WAS: variants seen among roughly 807,000 people sequenced by gnomAD.
The protein encoded by WAS is actin nucleation-promoting factor WAS.
WAS carries 1 observed loss-of-function variant against 38.9 expected under a neutral mutation model. That is an observed-to-expected ratio of 0.03 (90% CI 0.01 to 0.12). The LOEUF (loss-of-function observed/expected upper bound fraction) is 0.12, where lower values mean the gene tolerates loss of function less well. WAS is among the 10% of genes least tolerant of loss of function. The probability of loss-of-function intolerance (pLI) is 1.00; values close to 1 mark genes in which losing one functional copy is unlikely to be tolerated. For missense variants in WAS, 311 were observed against 431.2 expected (o/e 0.72, Z 2.47); for synonymous variants, 182 against 173.6 (o/e 1.05, Z -0.38).
intron 10 of WAS, 85 bp downstream of exon 10, chrX:48,689,151 G>A: frequency 9.5e-7 from 1 of 1,053,778 alleles, no homozygotes; most frequent in Non-Finnish European, 1.3e-6. Context: ...CTGAGGCCAG[G>A]ACTGAGGAGA....
chrX:48,690,997 C>T, intron 11 of WAS, 110 bp from the exon 12 acceptor site: 6 of 668,367 alleles, frequency 9.0e-6, no homozygotes, highest in Middle Eastern at 5.9e-4. Context: ...TCTAACTTGC[C>T]CTCCTCTAGC....
intron 6 of WAS, 141 bp from the exon 7 acceptor site, chrX:48,686,640 C>A: frequency 1.5e-6 from 1 of 645,432 alleles, no homozygotes; most frequent in Non-Finnish European, 2.4e-6. Context: ...TCTCCATAGA[C>A]CCTACTTGAA....
Position 48,686,087 on chromosome X carries a change from G to A in WAS, c.512G>A (p.Arg171Lys), listed in dbSNP as rs1436551443. ...ACACATTCCATCTTCCCAGAGAGAA[G>A]AGGAGGGCTCCCACCCCTGCCCCTG... ...PPPTPANEERRGGLPPLPLHP... is the reference protein window; with the variant it reads ...PPPTPANEERKGGLPPLPLHP... Residue 171 changes from arginine (R) to lysine (K), a missense_variant, in exon 6 of 12, where the codon AGA becomes AAA. By Grantham distance (26) the Arg-to-Lys change is conservative. Around this residue, in one of 4 missense-constraint regions of WAS, gnomAD observed 31 missense variants for 20.1 expected, o/e 1.55. Transcript: ENST00000376701. 1.3e-5 allele frequency: 16 copies of A among 1,212,215 alleles called. No homozygotes were observed. Among genetic ancestry groups the A allele is most frequent in the South Asian group, 1.8e-5 (1 of 57,041 alleles).
intron 8 of WAS, 30 bp from the exon 9 acceptor site, chrX:48,688,270 C>T (rs782237502): frequency 2.5e-6 from 3 of 1,186,529 alleles, no homozygotes; most frequent in Non-Finnish European, 3.4e-6. Flanking sequence ...TTCCTCTACT[C>T]CTGCCCCTGG....
chrX:48,683,634 G>T, upstream of WAS: 1 of 446,974 alleles, frequency 2.2e-6, no homozygotes. Context: ...CCAAAAGGTG[G>T]GTCTAAGCAG....
chrX:48,686,762 C>T lies in WAS; in HGVS notation c.560-19C>T. ...TTGGTAAGTGGGTCAATGAGCCAAC[C>T]ACCCTATTTTCCCCACAGGCCCTCC... is the stretch of plus-strand genomic sequence containing the variant. On this transcript the variant is annotated intron_variant, in intron 6 of 11. Transcript: ENST00000376701. 8.3e-7 allele frequency: 1 copy of T among 1,210,338 alleles called. No individual in the cohort carries two copies.
intron 6 of WAS, 137 bp from the exon 7 acceptor site, chrX:48,686,644 A>G: frequency 1.5e-6 from 1 of 677,464 alleles, no homozygotes; most frequent in Non-Finnish European, 2.3e-6. Context: ...CATAGACCCT[A>G]CTTGAACCCT....
chrX:48,678,799 TC>T (rs1183694850), upstream of WAS, among the ~76,000 whole-genome samples: 4 of 111,455 alleles, frequency 3.6e-5, no homozygotes, highest in Non-Finnish European at 5.6e-5. Flanking sequence ...GATGAGAACA[TC>T]AGACTAGAAG....
intron 11 of WAS, among the ~76,000 whole-genome samples, chrX:48,690,274 G>T (rs2062435674): frequency 1.9e-5 from 2 of 106,509 alleles, no homozygotes; most frequent in African/African-American, 6.8e-5. Context: ...ACAGGCGTGT[G>T]CCACCATACC....
upstream of WAS, among the ~76,000 whole-genome samples, chrX:48,683,065 G>A (rs1256219766): frequency 1.8e-5 from 2 of 110,483 alleles, no homozygotes; most frequent in Non-Finnish European, 3.8e-5. Flanking sequence ...AAAAGGAAAA[G>A]GGTTTTTGTT....
intron 6 of WAS, among the ~76,000 whole-genome samples, chrX:48,686,571 G>A (rs1214868688): frequency 8.9e-6 from 1 of 112,364 alleles, no homozygotes; most frequent in Non-Finnish European, 1.9e-5. Flanking sequence ...TAAAGCATGA[G>A]GGAATGAAAA....
At chrX:48,686,636 T>G (rs782566749) in intron 6 of WAS, 145 bp from the exon 7 acceptor site, 2 of 619,544 alleles carry the variant, frequency 3.2e-6, no homozygotes, top group Non-Finnish European at 5.1e-6. Context: ...CACTTCTCCA[T>G]AGACCCTACT....
chrX:48,680,009 C>A (rs1602174404), upstream of WAS, among the ~76,000 whole-genome samples: 1 of 111,515 alleles, frequency 9.0e-6, no homozygotes, highest in Non-Finnish European at 1.9e-5. Context: ...ACTGAGGAGA[C>A]CCTCGACCCA....
chrX:48,688,551 G>T, intron 9 of WAS, 98 bp downstream of exon 9: 1 of 1,193,128 alleles, frequency 8.4e-7, no homozygotes, highest in South Asian at 1.8e-5. Flanking sequence ...CACCTATACT[G>T]CTTCAGTCAG....
At chrX:48,683,789 G>T, upstream of WAS, 18 of 1,186,924 alleles carry the variant, frequency 1.5e-5, no homozygotes, top group Non-Finnish European at 1.9e-5. Context: ...GCTGCTCATT[G>T]CGGAAGTTCC....
At chrX:48,680,267 C>T (rs2062398227), upstream of WAS, among the ~76,000 whole-genome samples, 1 of 111,462 alleles carries the variant, frequency 9.0e-6, no homozygotes, top group African/African-American at 3.3e-5. Flanking sequence ...GATGAATCTT[C>T]CTCCCTCTAA....
upstream of WAS, among the ~76,000 whole-genome samples, chrX:48,680,638 G>A (rs781865114): frequency 2.7e-5 from 3 of 111,653 alleles, no homozygotes; most frequent in South Asian, 3.7e-4. Flanking sequence ...CCATGACAGT[G>A]CCATGGCAAC....
At chrX:48,677,694 G>GC (rs2062393863) in intron 1 of WAS, among the ~76,000 whole-genome samples, 1 of 111,330 alleles carries the variant, frequency 9.0e-6, no homozygotes, top group African/African-American at 3.3e-5. Context: ...TCCTCATTCC[G>GC]CCCCCGGCAG....
upstream of WAS, among the ~76,000 whole-genome samples, chrX:48,681,999 C>T (rs2062401630): frequency 8.9e-6 from 1 of 112,070 alleles, no homozygotes; most frequent in Non-Finnish European, 1.9e-5. Flanking sequence ...TTCAAGTCTC[C>T]AAATGGCCTA....
Sources: allele counts gnomAD v4.1 joint callset (sites outside exome capture counted in the v4.1 genomes callset), GRCh38; gene constraint gnomAD v4.1.1; regional missense constraint gnomAD v4.1.1; transcripts MANE v1.5; gene names NCBI Gene and HGNC (gene_info 2026-07-23, HGNC 2026-07-21).